Variants in FRMPD2 observed in about 807,000 individuals in gnomAD.
The protein encoded by FRMPD2 is FERM and PDZ domain containing 2.
FRMPD2 carries 96 observed loss-of-function variants against 140.1 expected under a neutral mutation model. The observed-to-expected ratio is 0.69, with a 90% confidence interval of 0.58 to 0.81. The LOEUF (loss-of-function observed/expected upper bound fraction) is 0.81. Among genes scored for constraint, FRMPD2 ranks in the 40% least tolerant of loss-of-function variants. The pLI, the probability that FRMPD2 is intolerant of heterozygous loss-of-function variation, is 0.00. For synonymous variants in FRMPD2, 449 were observed against 547.6 expected, an observed-to-expected ratio of 0.82 and a Z score of 2.52; for missense variants, 1,240 against 1,447.4, an observed-to-expected ratio of 0.86 and a Z score of 2.32.
intron 2 of FRMPD2, among the ~76,000 whole-genome samples, chr10:48,250,754 T>C (rs1478675916): frequency 6.6e-6 from 1 of 151,666 alleles, no homozygotes; most frequent in Non-Finnish European, 1.5e-5. Flanking sequence ...TAGTAATTCT[T>C]TCTATTAACC....
At chr10:48,264,537 A>G (rs927903586) in intron 1 of FRMPD2, among the ~76,000 whole-genome samples, 4 of 152,134 alleles carry the variant, frequency 2.6e-5, no homozygotes, top group Admixed American at 2.6e-4. Context: ...TTATTATATT[A>G]ACACCAAAAA....
At chr10:48,213,049 A>G (rs4838580) in intron 12 of FRMPD2, among the ~76,000 whole-genome samples, 47,028 of 151,994 alleles carry the variant, frequency 0.31, 9,213 homozygotes, top group African/African-American at 0.55. Flanking sequence ...GAGGAAGGCA[A>G]GTGGGAGCTG....
chr10:48,254,507 C>A (rs1284419511), intron 1 of FRMPD2, among the ~76,000 whole-genome samples: 1 of 152,216 alleles, frequency 6.6e-6, no homozygotes, highest in East Asian at 1.9e-4. Context: ...TAAGATAATT[C>A]TCTACACTAG....
At chr10:48,222,020 GGATA>G (rs1262526731) in intron 12 of FRMPD2, among the ~76,000 whole-genome samples, 3 of 150,454 alleles carry the variant, frequency 2.0e-5, no homozygotes, top group South Asian at 2.1e-4. Flanking sequence ...ATGGATGGAT[GGATA>G]GATGGATGGA....
intron 1 of FRMPD2, among the ~76,000 whole-genome samples, chr10:48,260,207 A>C (rs1250927781): frequency 1.3e-5 from 2 of 152,108 alleles, no homozygotes; most frequent in Non-Finnish European, 1.5e-5. Context: ...ATAGATCTAT[A>C]TACATATATG....
chr10:48,252,958 T>C (rs1306618891), intron 1 of FRMPD2, among the ~76,000 whole-genome samples: 1 of 152,190 alleles, frequency 6.6e-6, no homozygotes, highest in African/African-American at 2.4e-5. Context: ...TTGAGACTTA[T>C]GGACTAGGCA....
intron 12 of FRMPD2, among the ~76,000 whole-genome samples, chr10:48,219,797 G>A (rs964028445): frequency 1.3e-5 from 2 of 152,210 alleles, no homozygotes; most frequent in Non-Finnish European, 2.9e-5. Flanking sequence ...ATCATTGGCA[G>A]TTAAATCAAA....
chr10:48,201,150 T>C (rs1649616744), intron 15 of FRMPD2, 78 bp downstream of exon 15: 1 of 1,119,094 alleles, frequency 8.9e-7, no homozygotes, highest in Non-Finnish European at 1.2e-6. Flanking sequence ...CCCAGATCAA[T>C]TGTATCTATT....
chr10:48,183,715 G>A (rs1838604110), intron 20 of FRMPD2, among the ~76,000 whole-genome samples: 1 of 151,842 alleles, frequency 6.6e-6, no homozygotes, highest in Non-Finnish European at 1.5e-5. Flanking sequence ...AGCCGGGTGT[G>A]GCAGCGCGTG....
At chr10:48,222,838 G>A (rs1304621108) in intron 11 of FRMPD2, among the ~76,000 whole-genome samples, 1 of 152,140 alleles carries the variant, frequency 6.6e-6, no homozygotes, top group African/African-American at 2.4e-5. Context: ...TGTTGGGGGT[G>A]AGGGGGCATT....
intron 25 of FRMPD2, among the ~76,000 whole-genome samples, chr10:48,171,528 C>T (rs1466527620): frequency 6.6e-6 from 1 of 152,424 alleles, no homozygotes; most frequent in East Asian, 1.9e-4. Context: ...ACGCTATAAT[C>T]GTACATCTAA....
At chr10:48,267,272 C>A (rs756075872) in intron 1 of FRMPD2, among the ~76,000 whole-genome samples, 18 of 152,094 alleles carry the variant, frequency 1.2e-4, no homozygotes, top group Non-Finnish European at 2.5e-4. Flanking sequence ...TTTTCGTGAG[C>A]AATGACAAGC....
chr10:48,161,516 T>C (rs1213138251), intron 28 of FRMPD2, among the ~76,000 whole-genome samples: 2 of 151,886 alleles, frequency 1.3e-5, no homozygotes, highest in South Asian at 4.1e-4. Context: ...GAGCTTCAGA[T>C]GAAGTTAGGA....
At chr10:48,226,429 T>C (rs960537415) in intron 10 of FRMPD2, among the ~76,000 whole-genome samples, 1 of 152,258 alleles carries the variant, frequency 6.6e-6, no homozygotes, top group Non-Finnish European at 1.5e-5. Flanking sequence ...AGTCATTTTT[T>C]AATATGTGAA....
At chr10:48,199,733 C>T (rs1839037586) in intron 15 of FRMPD2, 2 of 152,164 alleles carry the variant, frequency 1.3e-5, no homozygotes, top group South Asian at 4.1e-4. Context: ...CGGCTGCAGC[C>T]GTTATGGCAA....
chr10:48,238,579 T>G (rs911649645), intron 7 of FRMPD2, among the ~76,000 whole-genome samples: 1 of 152,220 alleles, frequency 6.6e-6, no homozygotes, highest in Non-Finnish European at 1.5e-5. Context: ...GAAAAAGTAT[T>G]GCAAGATAAA....
intron 10 of FRMPD2, 30 bp downstream of exon 10, chr10:48,232,085 C>T (rs201716157): frequency 6.2e-7 from 1 of 1,605,860 alleles, no homozygotes; most frequent in Non-Finnish European, 8.5e-7. Context: ...AGGCACCAGG[C>T]CAGCTGTGAG....
intron 16 of FRMPD2, among the ~76,000 whole-genome samples, chr10:48,191,677 T>G (rs1359611330): frequency 2.0e-5 from 3 of 152,128 alleles, no homozygotes; most frequent in African/African-American, 4.8e-5. Flanking sequence ...GGAAAACTCA[T>G]CCCAAAAAAA....
intron 1 of FRMPD2, among the ~76,000 whole-genome samples, chr10:48,268,000 A>G (rs918683265): frequency 5.3e-5 from 8 of 152,228 alleles, no homozygotes; most frequent in Non-Finnish European, 1.0e-4. Flanking sequence ...GAGTACTCAC[A>G]TGTAGGATGT....
Sources: gnomAD v4.1 joint callset for allele counts (sites outside exome capture counted in the v4.1 genomes callset) on GRCh38, gnomAD v4.1.1 for gene constraint, MANE v1.5 for transcripts, NCBI Gene and HGNC (gene_info 2026-07-23, HGNC 2026-07-21) for gene names.